GALNTL6: variants seen among roughly 807,000 people sequenced by gnomAD.
GALNTL6 encodes the protein polypeptide N-acetylgalactosaminyltransferase like 6.
GALNTL6 carries 46 observed loss-of-function variants against 73.7 expected under a neutral mutation model. That is an observed-to-expected ratio of 0.62 (90% CI 0.49 to 0.80). The LOEUF is 0.80. Among genes scored for constraint, GALNTL6 ranks in the 30% least tolerant of loss-of-function variants. The probability of loss-of-function intolerance (pLI) is 0.00; values close to 1 mark genes in which losing one functional copy is unlikely to be tolerated. For synonymous variants in GALNTL6, 259 were observed against 263.7 expected, an observed-to-expected ratio of 0.98 and a Z score of 0.17; for missense variants, 604 against 755.0, an observed-to-expected ratio of 0.80 and a Z score of 2.34.
At chr4:172,295,529 A>AGGTTTTTTTTTTTTTTTTTTTTTT (rs1739639028) in intron 3 of GALNTL6, among the ~76,000 whole-genome samples, 1 of 77,210 alleles carries the variant, frequency 1.3e-5, no homozygotes, top group African/African-American at 4.9e-5. Context: ...TTCTTTTTTT[A>AGGTTTTTTTTTTTTTTTTTTTTTT]GGTTTTTTTT....
intron 2 of GALNTL6, among the ~76,000 whole-genome samples, chr4:172,062,548 A>G (rs1380381551): frequency 6.6e-6 from 1 of 152,254 alleles, no homozygotes; most frequent in Non-Finnish European, 1.5e-5. Context: ...AAGGAAATAT[A>G]ATGAAAGAAG....
chr4:171,975,387 T>C (rs1314625760), intron 2 of GALNTL6, among the ~76,000 whole-genome samples: 2 of 152,148 alleles, frequency 1.3e-5, no homozygotes, highest in African/African-American at 2.4e-5. Context: ...CCAACACTAT[T>C]ATTACTGAGT....
intron 10 of GALNTL6, among the ~76,000 whole-genome samples, chr4:172,972,815 C>T (rs1340819366): frequency 2.0e-5 from 3 of 152,118 alleles, no homozygotes; most frequent in African/African-American, 7.2e-5. Flanking sequence ...AAAAAAGTGA[C>T]CCCATTAATT....
intron 5 of GALNTL6, among the ~76,000 whole-genome samples, chr4:172,607,491 T>C (rs539174831): frequency 2.2e-3 from 337 of 152,234 alleles, no homozygotes; most frequent in African/African-American, 7.8e-3. Flanking sequence ...TTTATGGCTG[T>C]GTAGTATTCC....
At chr4:172,678,824 A>G (rs1732456188) in intron 5 of GALNTL6, among the ~76,000 whole-genome samples, 1 of 152,166 alleles carries the variant, frequency 6.6e-6, no homozygotes, top group African/African-American at 2.4e-5. Context: ...TGTTGAAAAT[A>G]TATTCTCCCA....
At chr4:171,850,972 G>A (rs1470008826) in intron 2 of GALNTL6, among the ~76,000 whole-genome samples, 1 of 152,002 alleles carries the variant, frequency 6.6e-6, no homozygotes, top group Non-Finnish European at 1.5e-5. Context: ...GCAATTCAAG[G>A]GAATATTTAT....
chr4:171,850,004 T>C (rs1735474456), intron 2 of GALNTL6, among the ~76,000 whole-genome samples: 1 of 152,244 alleles, frequency 6.6e-6, no homozygotes, highest in African/African-American at 2.4e-5. Flanking sequence ...CTCACTGCCA[T>C]GCCCAGGCTG....
chr4:172,697,723 G>A (rs912931377), intron 5 of GALNTL6, among the ~76,000 whole-genome samples: 7 of 152,160 alleles, frequency 4.6e-5, no homozygotes, highest in African/African-American at 7.2e-5. Context: ...GAGAAAGCAT[G>A]AGACAATCAT....
intron 3 of GALNTL6, among the ~76,000 whole-genome samples, chr4:172,286,694 C>A (rs28592177): frequency 1.3e-5 from 2 of 151,962 alleles, no homozygotes; most frequent in Non-Finnish European, 2.9e-5. Context: ...AGGAAGGCAG[C>A]GATGGTGGTT....
chr4:172,862,848 C>G (rs1219531188), intron 7 of GALNTL6, among the ~76,000 whole-genome samples: 3 of 152,222 alleles, frequency 2.0e-5, no homozygotes, highest in African/African-American at 7.2e-5. Flanking sequence ...AACTTCACAG[C>G]AGCACCTCCC....
intron 5 of GALNTL6, among the ~76,000 whole-genome samples, chr4:172,626,346 TG>T (rs1280593888): frequency 6.6e-6 from 1 of 152,138 alleles, no homozygotes; most frequent in African/African-American, 2.4e-5. Flanking sequence ...GCTTCATTTC[TG>T]GGTTCTCTAT....
chr4:172,238,658 A>AG (rs1416296921), intron 3 of GALNTL6, among the ~76,000 whole-genome samples: 1 of 152,072 alleles, frequency 6.6e-6, no homozygotes, highest in Non-Finnish European at 1.5e-5. Flanking sequence ...GTGATGAGAG[A>AG]GGGTATACTT....
intron 5 of GALNTL6, among the ~76,000 whole-genome samples, chr4:172,554,401 C>T (rs993527681): frequency 5.9e-5 from 9 of 152,082 alleles, no homozygotes; most frequent in African/African-American, 2.2e-4. Flanking sequence ...AATCATAAAA[C>T]TTTTTGTTAG....
At chr4:172,074,394 A>G (rs1731641318) in intron 2 of GALNTL6, among the ~76,000 whole-genome samples, 1 of 152,164 alleles carries the variant, frequency 6.6e-6, no homozygotes, top group Non-Finnish European at 1.5e-5. Context: ...CAAAACAAAC[A>G]AAAAAACAAG....
chr4:172,313,366 G>A (rs1275905154), intron 4 of GALNTL6, among the ~76,000 whole-genome samples: 1 of 151,726 alleles, frequency 6.6e-6, no homozygotes, highest in African/African-American at 2.4e-5. Flanking sequence ...CTCGTGATCC[G>A]CCCACCTCAG....
Position 172,882,800 on chromosome 4 carries a change from A to G in GALNTL6, c.934A>G (p.Met312Val). The stretch of plus-strand genomic sequence containing the variant: ...TTGTTCATTTCACAGGTCTCCTGTT[A>G]TGGCTGGAGGTCTCTTTGCTGTGGA... ...DPSDPFESPV[M>V]AGGLFAVDRK... The change falls in exon 8 of 13, where the codon ATG becomes GTG. Residue 312 changes from methionine (M) to valine (V), a missense_variant. By Grantham distance (21) the Met-to-Val change is conservative. This residue lies in a region of GALNTL6 where 179 missense variants were observed against 230.8 expected (regional missense o/e 0.78). Coordinates refer to ENST00000506823, the MANE Select transcript of GALNTL6 (RefSeq NM_001034845.3). The G allele has an allele frequency of 6.2e-7, 1 of 1,606,786 alleles. No individual in the cohort carries two copies. The highest frequency in any genetic ancestry group is 8.5e-7 in the Non-Finnish European group (1 of 1,173,468).
At chr4:172,202,540 G>A (rs959919125) in intron 2 of GALNTL6, among the ~76,000 whole-genome samples, 1 of 152,070 alleles carries the variant, frequency 6.6e-6, no homozygotes, top group African/African-American at 2.4e-5. Flanking sequence ...TAGATGAGAT[G>A]GATATATAGA....
intron 2 of GALNTL6, among the ~76,000 whole-genome samples, chr4:172,136,223 G>GA (rs765548287): frequency 4.0e-5 from 6 of 151,866 alleles, no homozygotes; most frequent in Non-Finnish European, 8.8e-5. Context: ...CCTTTACCTT[G>GA]AAAATCTGAA....
intron 5 of GALNTL6, among the ~76,000 whole-genome samples, chr4:172,385,758 T>C (rs1220275760): frequency 6.6e-6 from 1 of 152,086 alleles, no homozygotes; most frequent in Non-Finnish European, 1.5e-5. Context: ...AATTGACTTT[T>C]AATGTAATTA....
Sources: allele counts gnomAD v4.1 joint callset (sites outside exome capture counted in the v4.1 genomes callset), GRCh38; gene constraint gnomAD v4.1.1; regional missense constraint gnomAD v4.1.1; transcripts MANE v1.5; gene names NCBI Gene and HGNC (gene_info 2026-07-23, HGNC 2026-07-21).